CDH13: variants seen among roughly 807,000 people sequenced by gnomAD.
CDH13 encodes cadherin 13, also known as cadherin-13.
CDH13 carries 24 observed loss-of-function variants against 63.8 expected under a neutral mutation model. The observed-to-expected ratio is 0.38, with a 90% CI of 0.27 to 0.53. The LOEUF is 0.53. Among genes scored for constraint, CDH13 ranks in the 20% least tolerant of loss-of-function variants. The probability of loss-of-function intolerance (pLI) is 0.85; values close to 1 mark genes in which losing one functional copy is unlikely to be tolerated. For missense variants in CDH13, 1,049 were observed against 903.1 expected, an observed-to-expected ratio of 1.16 and a Z score of -2.07; for synonymous variants, 503 against 355.3, an observed-to-expected ratio of 1.42 and a Z score of -4.67.
intron 2 of CDH13, among the ~76,000 whole-genome samples, chr16:82,866,590 A>G (rs2040154688): frequency 6.6e-6 from 1 of 151,812 alleles, no homozygotes; most frequent in Admixed American, 6.6e-5. Context: ...GGGTTTAACC[A>G]TGCTGGCCAG....
intron 3 of CDH13, among the ~76,000 whole-genome samples, chr16:83,064,417 T>C (rs1489377238): frequency 6.6e-6 from 1 of 152,150 alleles, no homozygotes; most frequent in African/African-American, 2.4e-5. Context: ...GGAACAGATT[T>C]TTTAGCAACA....
At chr16:83,738,220 C>T (rs566548676) in intron 10 of CDH13, among the ~76,000 whole-genome samples, 1 of 152,316 alleles carries the variant, frequency 6.6e-6, no homozygotes, top group African/African-American at 2.4e-5. Flanking sequence ...GTTCCAAAAA[C>T]TGGAGGGAAT....
At chr16:82,828,599 G>A (rs2038373422) in intron 1 of CDH13, among the ~76,000 whole-genome samples, 1 of 151,892 alleles carries the variant, frequency 6.6e-6, no homozygotes. Flanking sequence ...TCCAGCCTGG[G>A]CAACAGAATG....
At position 83,210,915 on chromosome 16, in the gene CDH13, C is replaced by A. The variant is rs142013607; in HGVS notation, c.484-6430C>A. ...TTCTAATCCGAGCACTTTGGGAGGC[C>A]GAGGCAGGCAGATCACAAGGTCAGG... On this transcript the variant is annotated intron_variant, in intron 4 of 13. Transcript: ENST00000567109. 1.3e-4 allele frequency among the ~76,000 whole-genome samples: 19 copies of A among 151,250 alleles called. No individual in the cohort carries two copies. In the East Asian group the frequency reaches 3.5e-3, roughly 28 times the overall value.
chr16:83,582,081 C>G (rs1440043098), intron 7 of CDH13, among the ~76,000 whole-genome samples: 2 of 152,152 alleles, frequency 1.3e-5, no homozygotes, highest in Non-Finnish European at 1.5e-5. Context: ...CCTTGAGTTT[C>G]TCTCCTGAAC....
At chr16:83,107,526 C>T (rs72798349) in intron 3 of CDH13, among the ~76,000 whole-genome samples, 13,927 of 152,172 alleles carry the variant, frequency 0.092, 696 homozygotes, top group African/African-American at 0.13. Flanking sequence ...CTCCACTGGA[C>T]ACCAGAGGAA....
chr16:83,673,962 C>G (rs1016839082), intron 9 of CDH13, among the ~76,000 whole-genome samples: 1 of 152,026 alleles, frequency 6.6e-6, no homozygotes, highest in Non-Finnish European at 1.5e-5. Flanking sequence ...AATTGGGATG[C>G]AGACTCTCCC....
chr16:83,117,525 C>T (rs1023797591), intron 3 of CDH13, among the ~76,000 whole-genome samples: 1 of 152,096 alleles, frequency 6.6e-6, no homozygotes, highest in Non-Finnish European at 1.5e-5. Flanking sequence ...TGTTCTCTTT[C>T]CCTTTCTGTG....
chr16:83,244,143 C>T (rs11150560), intron 5 of CDH13, among the ~76,000 whole-genome samples: 21,960 of 151,774 alleles, frequency 0.14, 1,647 homozygotes, highest in Middle Eastern at 0.2. Context: ...TATTTCTGCT[C>T]GCTGAGCTTT....
intron 5 of CDH13, among the ~76,000 whole-genome samples, chr16:83,237,702 G>T (rs1034530268): frequency 6.6e-6 from 1 of 152,332 alleles, no homozygotes. Context: ...CCCTTGCTAT[G>T]TAATTTGAGG....
At chr16:83,432,905 A>G (rs977137840) in intron 6 of CDH13, among the ~76,000 whole-genome samples, 2 of 152,212 alleles carry the variant, frequency 1.3e-5, no homozygotes, top group African/African-American at 2.4e-5. Context: ...TTGACATAAC[A>G]TTTATGTTTC....
chr16:82,964,648 A>G (rs377153292), intron 2 of CDH13, among the ~76,000 whole-genome samples: 4 of 152,246 alleles, frequency 2.6e-5, no homozygotes, highest in African/African-American at 9.6e-5. Context: ...TCATAAAGGG[A>G]CTGAGAAAAT....
chr16:83,441,113 T>C (rs2072468011), intron 6 of CDH13, among the ~76,000 whole-genome samples: 1 of 152,186 alleles, frequency 6.6e-6, no homozygotes, highest in Non-Finnish European at 1.5e-5. Context: ...AAAAATGAAA[T>C]GTTTTGAATA....
intron 3 of CDH13, among the ~76,000 whole-genome samples, chr16:83,084,784 A>G (rs966053412): frequency 6.6e-6 from 1 of 152,196 alleles, no homozygotes; most frequent in African/African-American, 2.4e-5. Flanking sequence ...GCTACTCAGG[A>G]GGCTGAGGCA....
At chr16:82,665,287 A>T (rs1484247929) in intron 1 of CDH13, among the ~76,000 whole-genome samples, 1 of 152,178 alleles carries the variant, frequency 6.6e-6, no homozygotes, top group South Asian at 2.1e-4. Flanking sequence ...GATGTGTCTG[A>T]CTGAGAAAAT....
chr16:82,871,532 C>T lies in CDH13; in HGVS notation c.157+13059C>T, dbSNP rs558138702. Among the ~76,000 whole-genome samples the T allele has an allele frequency of 3.9e-5, 6 of 152,330 alleles. No homozygotes were observed. The South Asian group carries it at 1.2e-3, about 32-fold the overall frequency. ...GTTTTCCGAAAGAGAAGCAGAATCA[C>T]TGGAGTCTAATCCCAGCTCTAACTT... On this transcript the variant is annotated intron_variant, in intron 2 of 13. Coordinates refer to ENST00000567109, the MANE Select transcript of CDH13 (RefSeq NM_001257.5).
chr16:83,347,673 A>G (rs896536548), intron 6 of CDH13, among the ~76,000 whole-genome samples: 1 of 152,214 alleles, frequency 6.6e-6, no homozygotes, highest in Non-Finnish European at 1.5e-5. Flanking sequence ...AGGCTCAGGA[A>G]CTTGACAAAG....
At chr16:82,800,540 A>C (rs917575758) in intron 1 of CDH13, among the ~76,000 whole-genome samples, 4 of 152,216 alleles carry the variant, frequency 2.6e-5, no homozygotes, top group African/African-American at 9.6e-5. Context: ...CATTTCACAG[A>C]AGTGTCATCA....
intron 7 of CDH13, among the ~76,000 whole-genome samples, chr16:83,584,691 T>C (rs1184587715): frequency 1.3e-5 from 2 of 152,186 alleles, no homozygotes; most frequent in Admixed American, 1.3e-4. Flanking sequence ...TGAGACACTG[T>C]ATTAGGCTAT....
Sources: allele counts gnomAD v4.1 joint callset (sites outside exome capture counted in the v4.1 genomes callset), GRCh38; gene constraint gnomAD v4.1.1; transcripts MANE v1.5; gene names NCBI Gene and HGNC (gene_info 2026-07-23, HGNC 2026-07-21).